Variants in BAHCC1 observed in about 807,000 individuals in gnomAD.
BAHCC1 encodes BAH domain and coiled-coil containing 1.
BAHCC1 carries 43 observed loss-of-function variants against 88.2 expected under a neutral mutation model. The observed-to-expected ratio is 0.49, with a 90% CI of 0.38 to 0.63. The LOEUF (loss-of-function observed/expected upper bound fraction) is 0.63, where lower values mean the gene tolerates loss of function less well. Ranked by LOEUF, BAHCC1 falls within the 20% of genes least tolerant of loss-of-function variation. The pLI, the probability that BAHCC1 is intolerant of heterozygous loss-of-function variation, is 0.00. For missense variants in BAHCC1, 3,023 were observed against 1,654.8 expected (o/e 1.83, Z -14.34); for synonymous variants, 1,510 against 745.5 (o/e 2.03, Z -16.71).
At chr17:81,462,367 C>A (rs896675138) in intron 26 of BAHCC1, among the ~76,000 whole-genome samples, 6 of 152,210 alleles carry the variant, frequency 3.9e-5, no homozygotes, top group Non-Finnish European at 1.5e-5. Context: ...AGCTGTGTAT[C>A]CCCGCACTCA....
At chr17:81,402,221 GTGCTCGGAGA>G (rs1440468635) in intron 2 of BAHCC1, 1 of 152,212 alleles carries the variant, frequency 6.6e-6, no homozygotes, top group African/African-American at 2.4e-5. Flanking sequence ...GAGAACGCTT[GTGCTCGGAGA>G]TGTTCAACCC....
At chr17:81,432,495 C>T (rs2064271769) in intron 3 of BAHCC1, among the ~76,000 whole-genome samples, 1 of 151,624 alleles carries the variant, frequency 6.6e-6, no homozygotes, top group African/African-American at 2.4e-5. Flanking sequence ...TCCATTGCCC[C>T]CTGTGGCTTG....
intron 2 of BAHCC1, among the ~76,000 whole-genome samples, chr17:81,415,933 C>T (rs144518686): frequency 4.0e-5 from 6 of 151,674 alleles, no homozygotes; most frequent in African/African-American, 1.5e-4. Context: ...GACCATGGGC[C>T]TCACACCTCC....
At chr17:81,410,591 A>AGGCACCACGGGTCCT (rs546700107) in intron 2 of BAHCC1, among the ~76,000 whole-genome samples, 7 of 152,016 alleles carry the variant, frequency 4.6e-5, no homozygotes, top group Non-Finnish European at 7.4e-5. Context: ...CCACGGGTCG[A>AGGCACCACGGGTCCT]GGCACCACGG....
rs782526499 is a variant in BAHCC1 at position 81,442,860 on chromosome 17, C to T, written c.1511C>T (p.Ala504Val). The change falls in exon 5 of 28, where the codon GCC becomes GTC. Residue 504 changes from alanine (A) to valine (V), a missense_variant. Ala to Val is a moderately conservative substitution (Grantham distance 64). Coordinates refer to ENST00000675386, the MANE Select transcript of BAHCC1 (RefSeq NM_001377448.1). The part of the protein sequence containing the change: ...FELPTSSQDC[A>V]RPGHQDPLGG... ...TTGCCCACCTCTTCACAGGACTGTG[C>T]CCGGCCTGGTCACCAGGACCCGCTG... The T allele has an allele frequency of 6.4e-6, 5 of 779,430 alleles. No individual in the cohort carries two copies. The highest frequency in any genetic ancestry group is 7.2e-6 in the Non-Finnish European group (3 of 417,880). 48.3% of individuals were successfully genotyped at this position (779,430 alleles called of 1,614,324 possible).
At chr17:81,403,748 C>T (rs1382851274) in intron 2 of BAHCC1, among the ~76,000 whole-genome samples, 3 of 152,216 alleles carry the variant, frequency 2.0e-5, no homozygotes, top group Non-Finnish European at 4.4e-5. Context: ...TCACCCGTCC[C>T]GCTCCATAAG....
At chr17:81,426,249 TGGTAATAGTCGTGGGTGATGTGGTTGGG>T (rs2064196588) in intron 2 of BAHCC1, among the ~76,000 whole-genome samples, 2 of 114,108 alleles carry the variant, frequency 1.8e-5, no homozygotes, top group African/African-American at 3.9e-5. Context: ...ATGTGGTTGG[TGGTAATAGTCGTGGGTGATGTGGTTGGG>T]GGTGATTGTG....
intron 15 of BAHCC1, chr17:81,456,009 A>C (rs1240664404): frequency 4.3e-6 from 2 of 470,156 alleles, no homozygotes; most frequent in South Asian, 6.0e-5. Context: ...AAAAGCTAAC[A>C]GCCTGGCCCC....
intron 2 of BAHCC1, among the ~76,000 whole-genome samples, chr17:81,414,234 T>A (rs750685931): frequency 6.6e-6 from 1 of 152,240 alleles, no homozygotes; most frequent in African/African-American, 2.4e-5. Context: ...GGGGCAACGG[T>A]GTGGGGGCAC....
intron 3 of BAHCC1, 72 bp downstream of exon 3, chr17:81,427,051 G>A (rs1053185355): frequency 5.0e-6 from 2 of 398,344 alleles, no homozygotes; most frequent in African/African-American, 2.1e-5. Context: ...CGGGCCAGGG[G>A]CAGGTGAGGG....
At chr17:81,420,129 G>A (rs947692078) in intron 2 of BAHCC1, among the ~76,000 whole-genome samples, 6 of 152,266 alleles carry the variant, frequency 3.9e-5, no homozygotes, top group South Asian at 2.1e-4. Context: ...GTGGCTCTCC[G>A]GGGAGTCCTG....
chr17:81,440,176 C>T (rs549548880), intron 4 of BAHCC1, among the ~76,000 whole-genome samples: 1 of 152,354 alleles, frequency 6.6e-6, no homozygotes, highest in African/African-American at 2.4e-5. Flanking sequence ...CCCGCAGGCC[C>T]CGTTCCCCTA....
chr17:81,410,903 G>C (rs913515629), intron 2 of BAHCC1, among the ~76,000 whole-genome samples: 2 of 152,094 alleles, frequency 1.3e-5, no homozygotes, highest in African/African-American at 4.8e-5. Context: ...CGGAGTCCAG[G>C]GGTGGGGATG....
chr17:81,441,457 T>G (rs1359076409), intron 4 of BAHCC1, among the ~76,000 whole-genome samples: 1 of 152,070 alleles, frequency 6.6e-6, no homozygotes, highest in Non-Finnish European at 1.5e-5. Context: ...GGTCAGGAGA[T>G]CGAGACCATC....
rs781851091 is a variant in BAHCC1 at position 81,443,026 on chromosome 17, C to T, written c.1677C>T (p.Gly559=). The T allele has an allele frequency of 2.5e-4, 195 of 778,402 alleles. 2 individuals are homozygous for T. In the South Asian group the frequency reaches 2.6e-3, roughly 10 times the overall value. The allele number at this position is 778,402 out of a possible 1,614,324, so 48.2% of individuals were successfully genotyped here. The part of the protein sequence containing the change: ...HLMAAEVEQG[G]IGAEAKRKSL... ...TGGCCGCCGAGGTGGAGCAGGGGGGCATTGGGGCTGAGGCCAAGCGCAAGT... is the reference window on the plus strand; with the variant it reads ...TGGCCGCCGAGGTGGAGCAGGGGGGTATTGGGGCTGAGGCCAAGCGCAAGT... The change falls in exon 5 of 28, where the codon GGC becomes GGT. Residue 559 remains glycine, a synonymous_variant. Coordinates refer to ENST00000675386, the MANE Select transcript of BAHCC1 (RefSeq NM_001377448.1).
In BAHCC1 at chr17:81,434,274, G is replaced by A. The variant is rs539039818; in HGVS notation, c.359-4096G>A. On this transcript the variant is annotated intron_variant, in intron 3 of 27. Coordinates refer to ENST00000675386, the MANE Select transcript of BAHCC1 (RefSeq NM_001377448.1). The surrounding 1 kb of genome is among the most constrained non-coding windows in gnomAD (Gnocchi z 4.9). ...GTGCACATTCCAGGCTCGGGGCCAC[G>A]CCCAGCTGACTGCATGACCCACTGC... 1.3e-4 allele frequency among the ~76,000 whole-genome samples: 20 copies of A among 152,298 alleles called. No homozygotes were observed. The highest frequency in any genetic ancestry group is 4.6e-4 in the African/African-American group (19 of 41,564).
intron 3 of BAHCC1, among the ~76,000 whole-genome samples, chr17:81,430,493 G>A (rs1298996110): frequency 3.3e-5 from 5 of 152,144 alleles, no homozygotes; most frequent in African/African-American, 7.2e-5. Flanking sequence ...CCGGGGCTAC[G>A]CATGCCGAGC....
chr17:81,421,340 G>A (rs965447448), intron 2 of BAHCC1, among the ~76,000 whole-genome samples: 5 of 152,204 alleles, frequency 3.3e-5, no homozygotes, highest in African/African-American at 4.8e-5. Flanking sequence ...ACTGGTCGGC[G>A]GGGGGGCTGG....
chr17:81,408,895 G>A (rs1363107057), intron 2 of BAHCC1, among the ~76,000 whole-genome samples: 2 of 152,212 alleles, frequency 1.3e-5, no homozygotes, highest in African/African-American at 4.8e-5. Flanking sequence ...CCCAGAGCTG[G>A]GCTGAGCCAC....
Sources: gnomAD v4.1 joint callset for allele counts (sites outside exome capture counted in the v4.1 genomes callset) on GRCh38, gnomAD v4.1.1 for gene constraint, Gnocchi (gnomAD v3.1) non-coding constraint, MANE v1.5 for transcripts, NCBI Gene and HGNC (gene_info 2026-07-23, HGNC 2026-07-21) for gene names.